The following PRKD1 variants were observed in gnomAD, a reference collection of about 807,000 sequenced individuals.
PRKD1 encodes protein kinase D1.
PRKD1 carries 63 observed loss-of-function variants against 95.9 expected under a neutral mutation model. The observed-to-expected ratio is 0.66, with a 90% CI of 0.54 to 0.81. The LOEUF (loss-of-function observed/expected upper bound fraction) is 0.81. Among genes scored for constraint, PRKD1 ranks in the 30% least tolerant of loss-of-function variants. The probability of loss-of-function intolerance (pLI) is 0.00; values close to 1 mark genes in which losing one functional copy is unlikely to be tolerated. For missense variants in PRKD1, 1,048 were observed against 1,165.3 expected, an observed-to-expected ratio of 0.90 and a Z score of 1.47; for synonymous variants, 425 against 423.1, an observed-to-expected ratio of 1.00 and a Z score of -0.05.
At chr14:29,689,617 T>TAAGGACCCCAGCC (rs1884113275) in intron 2 of PRKD1, among the ~76,000 whole-genome samples, 1 of 152,170 alleles carries the variant, frequency 6.6e-6, no homozygotes, top group African/African-American at 2.4e-5. Context: ...GCAATCCCAT[T>TAAGGACCCCAGCC]ACAGGGTATA....
At chr14:29,831,309 T>C (rs1383184902) in intron 1 of PRKD1, among the ~76,000 whole-genome samples, 1 of 152,136 alleles carries the variant, frequency 6.6e-6, no homozygotes, top group Non-Finnish European at 1.5e-5. Context: ...GAAGAAACAT[T>C]TAAGATGAGA....
At chr14:29,888,333 G>T (rs915889347) in intron 1 of PRKD1, among the ~76,000 whole-genome samples, 1 of 151,066 alleles carries the variant, frequency 6.6e-6, no homozygotes, top group Non-Finnish European at 1.5e-5. Flanking sequence ...GAAAAGAAAG[G>T]AAAGAAAGAA....
At chr14:29,824,623 G>A (rs886755442) in intron 1 of PRKD1, among the ~76,000 whole-genome samples, 2 of 151,994 alleles carry the variant, frequency 1.3e-5, no homozygotes, top group African/African-American at 4.8e-5. Context: ...TTCAAAAATG[G>A]TACTTGAAAA....
intron 2 of PRKD1, among the ~76,000 whole-genome samples, chr14:29,672,773 CT>C (rs1229835084): frequency 6.6e-6 from 1 of 152,060 alleles, no homozygotes. Flanking sequence ...AACAGAATTA[CT>C]AACATTCAAG....
chr14:29,848,607 AAGAG>A (rs1892177134), intron 1 of PRKD1, among the ~76,000 whole-genome samples: 3 of 152,070 alleles, frequency 2.0e-5, no homozygotes, highest in Non-Finnish European at 2.9e-5. Flanking sequence ...AACCCTGAAA[AAGAG>A]AGAGAATCTG....
At chr14:29,756,117 G>A (rs1280068290) in intron 1 of PRKD1, among the ~76,000 whole-genome samples, 3 of 152,166 alleles carry the variant, frequency 2.0e-5, no homozygotes, top group Non-Finnish European at 4.4e-5. Flanking sequence ...CCTCTAGTAA[G>A]TTCTGGCACT....
chr14:29,808,287 T>C (rs1437842243), intron 1 of PRKD1, among the ~76,000 whole-genome samples: 2 of 151,862 alleles, frequency 1.3e-5, no homozygotes, highest in African/African-American at 4.8e-5. Context: ...GAAATGACTT[T>C]ATTTGTTCAT....
At chr14:29,831,219 G>A (rs1191419085) in intron 1 of PRKD1, among the ~76,000 whole-genome samples, 2 of 152,076 alleles carry the variant, frequency 1.3e-5, no homozygotes, top group African/African-American at 2.4e-5. Context: ...TTTTACAGAT[G>A]AGAAAACGGA....
At chr14:29,720,249 A>G (rs539881576) in intron 2 of PRKD1, among the ~76,000 whole-genome samples, 7 of 152,246 alleles carry the variant, frequency 4.6e-5, no homozygotes, top group South Asian at 2.1e-4. Context: ...GGTTATCCCC[A>G]TTTTACAGAT....
chr14:29,774,167 G>C (rs901353688), intron 1 of PRKD1, among the ~76,000 whole-genome samples: 2 of 152,192 alleles, frequency 1.3e-5, no homozygotes, highest in African/African-American at 4.8e-5. Context: ...TAAATGTGCA[G>C]GGCAATGACA....
chr14:29,639,554 G>C (rs1024923587), intron 4 of PRKD1, among the ~76,000 whole-genome samples: 1 of 152,050 alleles, frequency 6.6e-6, no homozygotes, highest in African/African-American at 2.4e-5. Context: ...GGGAGACAGA[G>C]GTTGTGGTGA....
At chr14:29,624,612 A>T (rs1170398095) in intron 12 of PRKD1, among the ~76,000 whole-genome samples, 1 of 152,156 alleles carries the variant, frequency 6.6e-6, no homozygotes, top group Non-Finnish European at 1.5e-5. Context: ...TAGAAAGTAT[A>T]ATTTTAAAGT....
At position 29,652,085 on chromosome 14, in the gene PRKD1, G is replaced by C. The variant is rs1039937181; in HGVS notation, c.696+11614C>G. Among the ~76,000 whole-genome samples, 3 of 152,244 alleles carry C rather than the reference G, an allele frequency of 2.0e-5. No homozygotes were observed. The South Asian group carries it at 6.2e-4, about 32-fold the overall frequency. On this transcript the variant is annotated intron_variant, in intron 4 of 17. Transcript: ENST00000331968. ...TCTCAGGTAGCAGTTCAGAAGTTAT[G>C]AGCAGTCGGTAATTAAGGGAGCAGA...
At chr14:29,826,702 TATATACACATATATATATAC>T (rs1891155294) in intron 1 of PRKD1, among the ~76,000 whole-genome samples, 1 of 54,790 alleles carries the variant, frequency 1.8e-5, no homozygotes, top group African/African-American at 6.2e-5. Flanking sequence ...TATATATACA[TATATACACATATATATATAC>T]ATATATATAC....
chr14:29,845,443 C>G (rs1044579211), intron 1 of PRKD1, among the ~76,000 whole-genome samples: 3 of 152,028 alleles, frequency 2.0e-5, no homozygotes, highest in African/African-American at 7.2e-5. Context: ...TTTTAAAAAT[C>G]GTTGCAAAAT....
chr14:29,694,385 T>C (rs117299514), intron 2 of PRKD1, among the ~76,000 whole-genome samples: 130 of 152,340 alleles, frequency 8.5e-4, no homozygotes, highest in Admixed American at 1.8e-3. Context: ...AGAAAAGACT[T>C]TGCTTAATAG....
chr14:29,914,868 G>A (rs983698932), intron 1 of PRKD1, among the ~76,000 whole-genome samples: 1 of 151,998 alleles, frequency 6.6e-6, no homozygotes, highest in Non-Finnish European at 1.5e-5. Context: ...CGCCTCCCGG[G>A]TTCACGCCAT....
At chr14:29,838,825 T>C (rs192950024) in intron 1 of PRKD1, among the ~76,000 whole-genome samples, 7 of 152,302 alleles carry the variant, frequency 4.6e-5, no homozygotes, top group Admixed American at 4.6e-4. Context: ...CAGGATCTAG[T>C]TTGAGGCACT....
At chr14:29,733,223 C>A (rs990728393) in intron 1 of PRKD1, among the ~76,000 whole-genome samples, 1 of 151,900 alleles carries the variant, frequency 6.6e-6, no homozygotes, top group African/African-American at 2.4e-5. Flanking sequence ...CTGCCTCAGC[C>A]TTCCAAGTAG....
Sources: gnomAD v4.1 joint callset for allele counts (sites outside exome capture counted in the v4.1 genomes callset) on GRCh38, gnomAD v4.1.1 for gene constraint, MANE v1.5 for transcripts, NCBI Gene and HGNC (gene_info 2026-07-23, HGNC 2026-07-21) for gene names.